Variants in PHACTR4 observed in about 807,000 individuals in gnomAD.
The protein encoded by PHACTR4 is protein phosphatase 1, regulatory subunit 124.
Under a neutral mutation model 72.7 loss-of-function variants are expected in PHACTR4, and 51 were observed. The ratio of observed to expected loss-of-function variants is 0.70; its 90% CI spans 0.56 to 0.89. PHACTR4 has a LOEUF of 0.89. Ranked by LOEUF, PHACTR4 falls within the 40% of genes least tolerant of loss-of-function variation. The probability of loss-of-function intolerance (pLI) is 0.00; values close to 1 mark genes in which losing one functional copy is unlikely to be tolerated. For missense variants in PHACTR4, 731 were observed against 861.8 expected, an observed-to-expected ratio of 0.85 and a Z score of 1.90; for synonymous variants, 255 against 302.5, an observed-to-expected ratio of 0.84 and a Z score of 1.63.
intron 1 of PHACTR4, among the ~76,000 whole-genome samples, chr1:28,379,933 G>A (rs1412566242): frequency 6.6e-6 from 1 of 151,360 alleles, no homozygotes; most frequent in Non-Finnish European, 1.5e-5. Flanking sequence ...TTTTCCATAA[G>A]TGGAGTAAAT....
Position 28,466,540 on chromosome 1 carries a change from A to G in PHACTR4, c.595A>G (p.Ile199Val). The change falls in exon 6 of 14, where the codon ATC (isoleucine) becomes GTC (valine). Residue 199 changes from isoleucine (I) to valine (V), a missense_variant. By Grantham distance (29) the Ile-to-Val change is conservative. This residue lies in a region of PHACTR4 where 621 missense variants were observed against 676.6 expected (regional missense o/e 0.92). Coordinates refer to ENST00000373839, the MANE Select transcript of PHACTR4 (RefSeq NM_001048183.3). ...ATSSGGTARF[I>V]ISTSITTAPA... ...TTCCTCTGGCGGCACGGCAAGGTTC[A>G]TCATCTCCACCTCCATCACCACAGC... 10 of 1,614,000 alleles carry G rather than the reference A, an allele frequency of 6.2e-6. No homozygotes were observed. The highest frequency in any genetic ancestry group is 7.6e-6 in the Non-Finnish European group (9 of 1,179,904).
intron 9 of PHACTR4, among the ~76,000 whole-genome samples, chr1:28,488,861 G>A (rs140837425): frequency 1.3e-5 from 2 of 152,244 alleles, no homozygotes; most frequent in East Asian, 1.9e-4. Context: ...CCAAACCTTC[G>A]CTTCACGGAT....
At chr1:28,434,600 A>C (rs891707522) in intron 2 of PHACTR4, among the ~76,000 whole-genome samples, 1 of 152,168 alleles carries the variant, frequency 6.6e-6, no homozygotes, top group Admixed American at 6.6e-5. Context: ...GATTACAGGC[A>C]TGAGCCACTG....
At chr1:28,416,231 G>T (rs1422528219) in intron 2 of PHACTR4, among the ~76,000 whole-genome samples, 1 of 151,926 alleles carries the variant, frequency 6.6e-6, no homozygotes, top group African/African-American at 2.4e-5. Flanking sequence ...TCTCCTAGTG[G>T]TCTTGATGAG....
rs6669035 is a variant in PHACTR4 at position 28,374,606 on chromosome 1, T to C, written c.-39+4781T>C. 3.8e-3 allele frequency among the ~76,000 whole-genome samples: 577 copies of C among 151,704 alleles called. 9 individuals are homozygous for C. Among genetic ancestry groups the C allele is most frequent in the African/African-American group, 0.013 (551 of 41,028 alleles). On this transcript the variant is annotated intron_variant, in intron 1 of 13. Coordinates refer to ENST00000373839, the MANE Select transcript of PHACTR4 (RefSeq NM_001048183.3). ...GCATTATAATGGGAAAGAACTTTTT[T>C]TCCTTGTGCTTTTGCTGTTGGTTTA...
At chr1:28,396,851 T>TTC (rs1653549994) in intron 1 of PHACTR4, among the ~76,000 whole-genome samples, 1 of 84,084 alleles carries the variant, frequency 1.2e-5, no homozygotes, top group African/African-American at 4.2e-5. Context: ...CTTTCTTTTT[T>TTC]TTTTTTTTTT....
At chr1:28,488,714 T>C (rs1046895504) in intron 9 of PHACTR4, among the ~76,000 whole-genome samples, 1 of 152,136 alleles carries the variant, frequency 6.6e-6, no homozygotes, top group African/African-American at 2.4e-5. Flanking sequence ...AATCTATATA[T>C]AGATATATGT....
At chr1:28,490,711 C>T (rs1022182867) in intron 10 of PHACTR4, among the ~76,000 whole-genome samples, 1 of 151,494 alleles carries the variant, frequency 6.6e-6, no homozygotes, top group East Asian at 1.9e-4. Flanking sequence ...CTGTGCATGG[C>T]ATGTGCCTGT....
intron 1 of PHACTR4, among the ~76,000 whole-genome samples, chr1:28,401,059 G>A (rs1653909063): frequency 6.6e-6 from 1 of 152,066 alleles, no homozygotes; most frequent in Non-Finnish European, 1.5e-5. Context: ...ACTCCCCTTA[G>A]GTGGGAGGAT....
At chr1:28,431,290 G>T in intron 2 of PHACTR4, among the ~76,000 whole-genome samples, 1 of 150,084 alleles carries the variant, frequency 6.7e-6, no homozygotes, top group East Asian at 2.0e-4. Context: ...GGATCATGAG[G>T]TCAGGAGATC....
chr1:28,434,239 C>T (rs527675357), intron 2 of PHACTR4, among the ~76,000 whole-genome samples: 44 of 152,148 alleles, frequency 2.9e-4, no homozygotes, highest in Admixed American at 5.9e-4. Flanking sequence ...TCTGAGCAGG[C>T]ATTTAACCTC....
chr1:28,398,447 C>T (rs1653687868), intron 1 of PHACTR4, among the ~76,000 whole-genome samples: 1 of 151,894 alleles, frequency 6.6e-6, no homozygotes, highest in Non-Finnish European at 1.5e-5. Context: ...TTGAACCCCA[C>T]AGGCGGAGGG....
intron 2 of PHACTR4, among the ~76,000 whole-genome samples, chr1:28,434,942 CT>C (rs1263160204): frequency 2.6e-5 from 4 of 152,094 alleles, no homozygotes; most frequent in African/African-American, 9.7e-5. Context: ...ATGGTCATGT[CT>C]ACATAAATTA....
Position 28,450,974 on chromosome 1 carries a change from C to CTTTTTTTTT in PHACTR4, c.17-8099_17-8091dup, listed in dbSNP as rs1188704308. ...TACAGGCATGTACCACCACACCCAG[C>CTTTTTTTTT]TTTTTTTTTTTTTTTTTTTTGTATT... On this transcript the variant is annotated intron_variant, in intron 2 of 13. Transcript: ENST00000373839. Among the ~76,000 whole-genome samples, 641 of 71,838 alleles carry CTTTTTTTTT rather than the reference C, an allele frequency of 8.9e-3. 5 individuals are homozygous for CTTTTTTTTT. Among genetic ancestry groups the CTTTTTTTTT allele is most frequent in the African/African-American group, 0.011 (157 of 14,584 alleles). 47.1% of individuals were successfully genotyped at this position (71,838 alleles called of 152,430 possible). A position where few individuals can be genotyped will look rare whatever the true frequency, so the allele number is the denominator to read the frequency against.
At chr1:28,372,174 C>T (rs887872611) in intron 1 of PHACTR4, among the ~76,000 whole-genome samples, 9 of 152,084 alleles carry the variant, frequency 5.9e-5, no homozygotes, top group Admixed American at 2.6e-4. Flanking sequence ...TGTGAGCCAC[C>T]GTGCCTGGCC....
intron 2 of PHACTR4, among the ~76,000 whole-genome samples, chr1:28,445,252 C>T (rs1657369054): frequency 6.6e-6 from 1 of 152,054 alleles, no homozygotes; most frequent in African/African-American, 2.4e-5. Flanking sequence ...CTCACCTGGC[C>T]ATATTTAATT....
At chr1:28,485,407 TG>T (rs1402290611) in intron 9 of PHACTR4, among the ~76,000 whole-genome samples, 1 of 151,752 alleles carries the variant, frequency 6.6e-6, no homozygotes, top group African/African-American at 2.4e-5. Context: ...GCCAACGTGA[TG>T]AAACCCCATC....
chr1:28,416,575 G>T (rs1427234155), intron 2 of PHACTR4, among the ~76,000 whole-genome samples: 1 of 152,176 alleles, frequency 6.6e-6, no homozygotes, highest in Non-Finnish European at 1.5e-5. Context: ...TGACATTCTG[G>T]ACTATTGCCT....
intron 9 of PHACTR4, among the ~76,000 whole-genome samples, chr1:28,487,823 A>G (rs1006199488): frequency 2.3e-5 from 3 of 131,376 alleles, no homozygotes; most frequent in African/African-American, 8.8e-5. Context: ...TGCAACCTCC[A>G]TCTCCCAGGT....
Sources: allele counts gnomAD v4.1 joint callset (sites outside exome capture counted in the v4.1 genomes callset), GRCh38; gene constraint gnomAD v4.1.1; regional missense constraint gnomAD v4.1.1; transcripts MANE v1.5; gene names NCBI Gene and HGNC (gene_info 2026-07-23, HGNC 2026-07-21).